CSNK2A2IP: variants seen among roughly 807,000 people sequenced by gnomAD.
CSNK2A2IP encodes casein kinase 2 subunit alpha' interacting protein.
At chr3:88,353,743 T>C in the CSNK2A2IP span, among the ~76,000 whole-genome samples, 1 of 152,198 alleles carries the variant, frequency 6.6e-6, no homozygotes, top group Non-Finnish European at 1.5e-5. Flanking sequence ...CTTTATGTGA[T>C]GGAAGGACTA....
At chr3:88,347,195 C>T in the CSNK2A2IP span, among the ~76,000 whole-genome samples, 1 of 152,052 alleles carries the variant, frequency 6.6e-6, no homozygotes, top group African/African-American at 2.4e-5. Context: ...AAAGTGGTTT[C>T]TTGTCTACTC....
the CSNK2A2IP span, among the ~76,000 whole-genome samples, chr3:88,414,588 G>C: frequency 6.6e-6 from 1 of 151,738 alleles, no homozygotes; most frequent in African/African-American, 2.4e-5. Context: ...GGCCAACAAA[G>C]ATTTTTTAAC....
At chr3:88,419,458 A>G in the CSNK2A2IP span, among the ~76,000 whole-genome samples, 1 of 152,172 alleles carries the variant, frequency 6.6e-6, no homozygotes, top group African/African-American at 2.4e-5. Flanking sequence ...ATGGATGTGT[A>G]GTATTCCATG....
At chr3:88,343,678 T>C in the CSNK2A2IP span, among the ~76,000 whole-genome samples, 3 of 151,938 alleles carry the variant, frequency 2.0e-5, no homozygotes, top group African/African-American at 7.2e-5. Context: ...GATATGGGGA[T>C]CAAAGGGCTA....
the CSNK2A2IP span, among the ~76,000 whole-genome samples, chr3:88,412,797 G>A: frequency 6.6e-6 from 1 of 151,988 alleles, no homozygotes; most frequent in Non-Finnish European, 1.5e-5. Flanking sequence ...TTTTAATAGT[G>A]TAAGGAGATA....
the CSNK2A2IP span, among the ~76,000 whole-genome samples, chr3:88,358,414 T>C: frequency 6.6e-6 from 1 of 152,186 alleles, no homozygotes; most frequent in Non-Finnish European, 1.5e-5. Flanking sequence ...TTGTTCCGGA[T>C]CTTAAACTAA....
the CSNK2A2IP span, among the ~76,000 whole-genome samples, chr3:88,393,443 TGGGGGAATATAAACA>T: frequency 3.3e-5 from 5 of 152,126 alleles, no homozygotes; most frequent in African/African-American, 1.2e-4. Flanking sequence ...TGAATCAAAA[TGGGGGAATATAAACA>T]GACGTGAAGT....
chr3:88,444,260 AC>A, the CSNK2A2IP span, among the ~76,000 whole-genome samples: 1 of 134,678 alleles, frequency 7.4e-6, no homozygotes, highest in Non-Finnish European at 1.8e-5. Flanking sequence ...AATAAAGGGT[AC>A]AAAAATTACA....
the CSNK2A2IP span, among the ~76,000 whole-genome samples, chr3:88,371,927 T>C: frequency 4.6e-5 from 7 of 151,644 alleles, no homozygotes; most frequent in South Asian, 1.5e-3. Flanking sequence ...AGAACAACAA[T>C]GACAAAAAGA....
At chr3:88,448,836 T>A in the CSNK2A2IP span, among the ~76,000 whole-genome samples, 1 of 152,216 alleles carries the variant, frequency 6.6e-6, no homozygotes, top group Non-Finnish European at 1.5e-5. Flanking sequence ...ATTCATGACT[T>A]CATAGGTGAG....
At chr3:88,436,583 TAC>T in the CSNK2A2IP span, among the ~76,000 whole-genome samples, 1 of 152,084 alleles carries the variant, frequency 6.6e-6, no homozygotes, top group Non-Finnish European at 1.5e-5. Flanking sequence ...TACAAAAGTG[TAC>T]AGACTTTTAA....
At chr3:88,348,489 T>C in the CSNK2A2IP span, among the ~76,000 whole-genome samples, 13 of 152,186 alleles carry the variant, frequency 8.5e-5, no homozygotes, top group South Asian at 2.7e-3. Context: ...ATAGAAAATA[T>C]ATATATTTGT....
At chr3:88,417,724 T>C in the CSNK2A2IP span, among the ~76,000 whole-genome samples, 1 of 152,226 alleles carries the variant, frequency 6.6e-6, no homozygotes, top group African/African-American at 2.4e-5. Flanking sequence ...CAACTGTAGG[T>C]CCTGGTTCTT....
chr3:88,432,629 A>T, the CSNK2A2IP span, among the ~76,000 whole-genome samples: 1 of 151,672 alleles, frequency 6.6e-6, no homozygotes, highest in Admixed American at 6.6e-5. Context: ...AAATATATAC[A>T]ACAAAATAGC....
chr3:88,357,624 T>C, the CSNK2A2IP span, among the ~76,000 whole-genome samples: 5 of 152,220 alleles, frequency 3.3e-5, no homozygotes, highest in East Asian at 9.6e-4. Flanking sequence ...AAGAACATCA[T>C]TGTTATTTTG....
At chr3:88,350,613 A>AAC in the CSNK2A2IP span, among the ~76,000 whole-genome samples, 322 of 151,730 alleles carry the variant, frequency 2.1e-3, 2 homozygotes, top group African/African-American at 7.5e-3. Context: ...AAAAAAAAAA[A>AAC]CAGCTTCACA....
At chr3:88,436,527 CAT>C in the CSNK2A2IP span, among the ~76,000 whole-genome samples, 2 of 152,018 alleles carry the variant, frequency 1.3e-5, no homozygotes, top group African/African-American at 4.8e-5. Flanking sequence ...TTTCATTAAA[CAT>C]AATCTTTTCA....
the CSNK2A2IP span, among the ~76,000 whole-genome samples, chr3:88,351,218 T>C: frequency 2.0e-5 from 3 of 152,132 alleles, no homozygotes; most frequent in African/African-American, 4.8e-5. Flanking sequence ...TCTTATCCTT[T>C]AATAACAAAT....
chr3:88,345,557 C>A, the CSNK2A2IP span, among the ~76,000 whole-genome samples: 1 of 151,948 alleles, frequency 6.6e-6, no homozygotes. Context: ...CACAACATTT[C>A]AAACTTTTCC....
Sources: allele counts gnomAD v4.1 joint callset (sites outside exome capture counted in the v4.1 genomes callset), GRCh38; gene constraint gnomAD v4.1.1; transcripts MANE v1.5; gene names NCBI Gene and HGNC (gene_info 2026-07-23, HGNC 2026-07-21).